The following ZDHHC13 variants were observed in gnomAD, a reference collection of about 807,000 sequenced individuals.
ZDHHC13 encodes zDHHC palmitoyltransferase 13, also known as palmitoyltransferase ZDHHC13.
ZDHHC13 carries 85 observed loss-of-function variants against 86.0 expected under a neutral mutation model. The ratio of observed to expected loss-of-function variants is 0.99; its 90% CI spans 0.83 to 1.18. The LOEUF (loss-of-function observed/expected upper bound fraction) is 1.18, where lower values mean the gene tolerates loss of function less well. Among genes scored for constraint, ZDHHC13 ranks in the 50% most tolerant of loss-of-function variants. The pLI, the probability that ZDHHC13 is intolerant of heterozygous loss-of-function variation, is 0.00. For synonymous variants in ZDHHC13, 263 were observed against 246.4 expected (o/e 1.07, Z -0.63); for missense variants, 711 against 730.2 (o/e 0.97, Z 0.30).
intron 2 of ZDHHC13, among the ~76,000 whole-genome samples, chr11:19,144,489 A>G (rs1355740527): frequency 9.4e-6 from 1 of 106,028 alleles, no homozygotes; most frequent in Non-Finnish European, 2.5e-5. Context: ...CAAAACCTGA[A>G]TGTATATTCT....
intron 13 of ZDHHC13, among the ~76,000 whole-genome samples, chr11:19,165,558 T>C (rs989903802): frequency 2.6e-5 from 4 of 152,154 alleles, no homozygotes. Context: ...GTCATTAGCA[T>C]TGAAATGCTC....
chr11:19,123,611 C>G (rs1848803575), intron 1 of ZDHHC13, among the ~76,000 whole-genome samples: 1 of 152,120 alleles, frequency 6.6e-6, no homozygotes, highest in Non-Finnish European at 1.5e-5. Context: ...GGTGCCACTG[C>G]ACTCCAGCCT....
chr11:19,155,829 A>G lies in ZDHHC13; in HGVS notation c.907A>G (p.Met303Val), dbSNP rs768317601. The G allele has an allele frequency of 1.9e-6, 3 of 1,612,834 alleles. No individual in the cohort carries two copies. Among genetic ancestry groups the G allele is most frequent in the South Asian group, 1.1e-5 (1 of 90,694 alleles). Residue 303 changes from methionine (M) to valine (V), a missense_variant, in exon 9 of 17, where the codon ATG becomes GTG. By Grantham distance (21) the Met-to-Val change is conservative (BLOSUM62 1). Transcript: ENST00000446113. The part of the protein sequence containing the change: ...FLLLMLSVIT[M>V]WAIGYILDFN... ...GCTGCTGATGCTTTCTGTGATTACCATGTGGGCTATTGGATACATATTGGA... is the reference window on the plus strand; with the variant it reads ...GCTGCTGATGCTTTCTGTGATTACCGTGTGGGCTATTGGATACATATTGGA...
intron 4 of ZDHHC13, chr11:19,148,602 C>T (rs993834938): frequency 1.3e-5 from 2 of 152,022 alleles, no homozygotes; most frequent in Non-Finnish European, 2.9e-5. Flanking sequence ...TTATTATTCA[C>T]GTATGGTAAT....
At chr11:19,175,389 C>CAAAAAAAAAAAAAAAAAAAAAAAA (rs58806796) in intron 16 of ZDHHC13, among the ~76,000 whole-genome samples, 1 of 56,368 alleles carries the variant, frequency 1.8e-5, no homozygotes, top group Non-Finnish European at 3.2e-5. Context: ...GACTCCGTCT[C>CAAAAAAAAAAAAAAAAAAAAAAAA]AAAAAAAAAA....
At chr11:19,142,266 G>A (rs1016121848) in intron 1 of ZDHHC13, among the ~76,000 whole-genome samples, 1 of 152,162 alleles carries the variant, frequency 6.6e-6, no homozygotes, top group Non-Finnish European at 1.5e-5. Flanking sequence ...ACTGCCCACA[G>A]TTCCTTGTTA....
At chr11:19,139,003 C>T (rs1849229486) in intron 1 of ZDHHC13, among the ~76,000 whole-genome samples, 1 of 151,992 alleles carries the variant, frequency 6.6e-6, no homozygotes, top group Non-Finnish European at 1.5e-5. Context: ...AAAACTGGCA[C>T]AAGACATGGA....
chr11:19,174,722 G>C (rs1240336892), intron 16 of ZDHHC13, among the ~76,000 whole-genome samples: 1 of 152,224 alleles, frequency 6.6e-6, no homozygotes, highest in Non-Finnish European at 1.5e-5. Flanking sequence ...TGGAAATGTG[G>C]GTATTGGCCT....
intron 1 of ZDHHC13, among the ~76,000 whole-genome samples, chr11:19,135,581 G>T (rs924774940): frequency 1.3e-5 from 2 of 152,212 alleles, no homozygotes; most frequent in African/African-American, 4.8e-5. Flanking sequence ...ACAGCTCAAG[G>T]AGGCCTGCCT....
At chr11:19,132,566 C>A (rs75202368) in intron 1 of ZDHHC13, among the ~76,000 whole-genome samples, 23 of 152,140 alleles carry the variant, frequency 1.5e-4, no homozygotes, top group African/African-American at 5.6e-4. Context: ...TTTGGAGCCC[C>A]CTTTTTTCTG....
At chr11:19,165,015 T>G (rs1472723990) in intron 12 of ZDHHC13, 37 bp from the exon 13 acceptor site, 2 of 1,582,268 alleles carry the variant, frequency 1.3e-6, no homozygotes, top group South Asian at 1.1e-5. Context: ...TTTGAGACAC[T>G]GGTTTTTGCT....
chr11:19,151,216 C>T (rs1419496112), intron 6 of ZDHHC13, among the ~76,000 whole-genome samples: 2 of 152,036 alleles, frequency 1.3e-5, no homozygotes, highest in African/African-American at 2.4e-5. Context: ...TTCTTGACTA[C>T]TTTGAAAATA....
intron 1 of ZDHHC13, among the ~76,000 whole-genome samples, chr11:19,137,463 T>C (rs1849175554): frequency 6.6e-6 from 1 of 151,800 alleles, no homozygotes; most frequent in Admixed American, 6.6e-5. Flanking sequence ...CACACATTAA[T>C]AATGGGAGAC....
intron 1 of ZDHHC13, among the ~76,000 whole-genome samples, chr11:19,129,570 T>G (rs1207322251): frequency 6.6e-6 from 1 of 152,192 alleles, no homozygotes. Context: ...TATTTTATTC[T>G]GTTAATATGA....
chr11:19,172,408 A>G (rs1373822370), intron 15 of ZDHHC13, among the ~76,000 whole-genome samples: 1 of 152,190 alleles, frequency 6.6e-6, no homozygotes, highest in Non-Finnish European at 1.5e-5. Flanking sequence ...TCAAATCCTT[A>G]AAATAATATG....
In ZDHHC13 at chr11:19,174,348, G is replaced by T. The variant is rs1850302494; in HGVS notation, c.1731-1474G>T. On this transcript the variant is annotated intron_variant, in intron 16 of 16. Transcript: ENST00000446113. ...CAGGTAACTGAAACTGAAACCAAGG[G>T]GAAGGGGACACTACTCTAACTAGCT... Among the ~76,000 whole-genome samples the T allele has an allele frequency of 1.3e-5, 2 of 152,158 alleles. 1 individual carries two copies. Among genetic ancestry groups the T allele is most frequent in the South Asian group, 4.1e-4 (2 of 4,828 alleles).
At chr11:19,142,922 T>C (rs533038166) in intron 1 of ZDHHC13, 56 bp from the exon 2 acceptor site, 1 of 1,501,590 alleles carries the variant, frequency 6.7e-7, no homozygotes. Flanking sequence ...CTTCATTATG[T>C]AATTGAGTGT....
chr11:19,169,244 C>T, intron 14 of ZDHHC13: 3 of 985,356 alleles, frequency 3.0e-6, no homozygotes, highest in Non-Finnish European at 3.6e-6. Flanking sequence ...AAATTATATT[C>T]TTTTTTGTGA....
chr11:19,128,009 G>A (rs1463924743), intron 1 of ZDHHC13, among the ~76,000 whole-genome samples: 1 of 152,116 alleles, frequency 6.6e-6, no homozygotes, highest in Non-Finnish European at 1.5e-5. Context: ...TAATTTGATA[G>A]GGATAACATT....
Sources: allele counts gnomAD v4.1 joint callset (sites outside exome capture counted in the v4.1 genomes callset), GRCh38; gene constraint gnomAD v4.1.1; transcripts MANE v1.5; gene names NCBI Gene and HGNC (gene_info 2026-07-23, HGNC 2026-07-21).